The following DPY19L3 variants were observed in gnomAD, a reference collection of about 807,000 sequenced individuals.
The protein encoded by DPY19L3 is dpy-19 like C-mannosyltransferase 3.
DPY19L3 carries 51 observed loss-of-function variants against 92.3 expected under a neutral mutation model. The ratio of observed to expected loss-of-function variants is 0.55; its 90% confidence interval spans 0.44 to 0.70. The LOEUF (loss-of-function observed/expected upper bound fraction) is 0.70. Ranked by LOEUF, DPY19L3 falls within the 30% of genes least tolerant of loss-of-function variation. The pLI is 0.00. For missense variants in DPY19L3, 706 were observed against 855.9 expected (o/e 0.82, Z 2.18); for synonymous variants, 309 against 315.2 (o/e 0.98, Z 0.21).
chr19:32,456,330 C>G (rs1214915138), intron 10 of DPY19L3, among the ~76,000 whole-genome samples: 1 of 151,996 alleles, frequency 6.6e-6, no homozygotes, highest in African/African-American at 2.4e-5. Context: ...CTGCCTTGGC[C>G]TCCCAAAGGA....
intron 4 of DPY19L3, 95 bp downstream of exon 4, chr19:32,432,901 C>A: frequency 1.1e-6 from 1 of 942,690 alleles, no homozygotes; most frequent in Non-Finnish European, 1.6e-6. Context: ...TAAATGCTCT[C>A]TAGAACATGT....
chr19:32,406,535 A>G (rs1358465609), intron 1 of DPY19L3, among the ~76,000 whole-genome samples: 1 of 151,626 alleles, frequency 6.6e-6, no homozygotes, highest in Non-Finnish European at 1.5e-5. Flanking sequence ...ATTTTATTGT[A>G]TAGATAGGGT....
In DPY19L3 at chr19:32,482,028, T is replaced by C. The variant is rs748918114; in HGVS notation, c.1990-51T>C. The C allele has an allele frequency of 3.1e-6, 5 of 1,592,494 alleles. 1 individual carries two copies. In the South Asian group the frequency reaches 3.4e-5, roughly 11 times the overall value. On this transcript the variant is annotated intron_variant, in intron 18 of 18. Transcript: ENST00000392250. Reference sequence around the variant, plus strand: ...ACCCATTCCTGCTCCTACTGTCTTTTGTAAATAGAATTTTCCCCCCAAATT... The same window carrying C: ...ACCCATTCCTGCTCCTACTGTCTTTCGTAAATAGAATTTTCCCCCCAAATT...
intron 16 of DPY19L3, among the ~76,000 whole-genome samples, chr19:32,469,311 A>G (rs965188368): frequency 2.6e-5 from 4 of 152,132 alleles, no homozygotes; most frequent in South Asian, 2.1e-4. Context: ...AGCCTGGCCA[A>G]CATGATGAAA....
chr19:32,436,224 A>C (rs113785810), intron 4 of DPY19L3, among the ~76,000 whole-genome samples: 2 of 152,290 alleles, frequency 1.3e-5, no homozygotes, highest in African/African-American at 4.8e-5. Context: ...CATTCCAGTT[A>C]CAAAAGTTTT....
intron 3 of DPY19L3, 91 bp from the exon 4 acceptor site, chr19:32,432,625 C>T: frequency 9.4e-7 from 1 of 1,064,314 alleles, no homozygotes; most frequent in South Asian, 1.5e-5. Context: ...TTTTCTCTTT[C>T]AAGTTGCAGT....
At chr19:32,423,422 G>GTTTTTTTTTTT (rs1599601418) in intron 3 of DPY19L3, among the ~76,000 whole-genome samples, 11 of 48,428 alleles carry the variant, frequency 2.3e-4, no homozygotes, top group South Asian at 6.7e-4. Context: ...TTTTTTTTTG[G>GTTTTTTTTTTT]TATTTTTAGT....
intron 15 of DPY19L3, among the ~76,000 whole-genome samples, chr19:32,465,885 C>A (rs937976223): frequency 6.6e-6 from 1 of 152,158 alleles, no homozygotes; most frequent in Non-Finnish European, 1.5e-5. Flanking sequence ...ATGCGAATAA[C>A]TGAAACTTAC....
rs1411544194 is a variant in DPY19L3 at position 32,408,442 on chromosome 19, G to C, written c.103+86G>C. ...CACTCTCCAATAGGATAAAAATTTG[G>C]TGGGACCTAACAATTGAAACTTGTT... On this transcript the variant is annotated intron_variant, in intron 2 of 18. Transcript: ENST00000392250. 4 of 940,276 alleles carry C rather than the reference G, an allele frequency of 4.3e-6. No homozygotes were observed. In the African/African-American group the frequency reaches 5.0e-5, roughly 12 times the overall value. 58.2% of individuals were successfully genotyped at this position (940,276 alleles called of 1,614,324 possible). A position where few individuals can be genotyped will look rare whatever the true frequency, so the allele number is the denominator to read the frequency against.
intron 12 of DPY19L3, among the ~76,000 whole-genome samples, chr19:32,459,227 C>T (rs1333096405): frequency 6.6e-6 from 1 of 152,160 alleles, no homozygotes; most frequent in Non-Finnish European, 1.5e-5. Context: ...GTAAGAATAT[C>T]TACCCATCAA....
chr19:32,413,642 CAAA>C (rs1968274625), intron 3 of DPY19L3, among the ~76,000 whole-genome samples: 2 of 147,598 alleles, frequency 1.4e-5, no homozygotes, highest in African/African-American at 5.0e-5. Flanking sequence ...ATGTTCCCCT[CAAA>C]GAAGAATAAT....
intron 2 of DPY19L3, 50 bp downstream of exon 2, chr19:32,408,406 T>G (rs750189635): frequency 7.3e-7 from 1 of 1,369,256 alleles, no homozygotes; most frequent in Non-Finnish European, 1.0e-6. Flanking sequence ...TATTTCTGCA[T>G]ATTAAAATGT....
At chr19:32,435,141 C>A (rs1369988733) in intron 4 of DPY19L3, among the ~76,000 whole-genome samples, 1 of 152,102 alleles carries the variant, frequency 6.6e-6, no homozygotes, top group Non-Finnish European at 1.5e-5. Flanking sequence ...CCTCACATAG[C>A]CTTTCCCTCT....
At chr19:32,434,329 C>A (rs1969067054) in intron 4 of DPY19L3, among the ~76,000 whole-genome samples, 2 of 152,124 alleles carry the variant, frequency 1.3e-5, no homozygotes, top group South Asian at 4.1e-4. Context: ...ATGCCATGTC[C>A]TTTGCATTGT....
At chr19:32,436,663 C>A (rs1969150399) in intron 5 of DPY19L3, 96 bp downstream of exon 5, 2 of 1,135,060 alleles carry the variant, frequency 1.8e-6, no homozygotes. Flanking sequence ...TGATCTTCAA[C>A]TGGTTTAGTA....
intron 17 of DPY19L3, among the ~76,000 whole-genome samples, chr19:32,479,180 A>G (rs1459005010): frequency 6.6e-6 from 1 of 152,184 alleles, no homozygotes; most frequent in Non-Finnish European, 1.5e-5. Context: ...CCTGTCTTGT[A>G]TAAGAATCAT....
rs1282306976 is a variant in DPY19L3, at chr19:32,483,820, G to A, written c.*1580G>A. ...GTTTAGGATAATACAATAATAAAACGTTTTAATCAGTACTAAAACTTTAAT... is the reference window on the plus strand; with the variant it reads ...GTTTAGGATAATACAATAATAAAACATTTTAATCAGTACTAAAACTTTAAT... On this transcript the variant is annotated 3_prime_UTR_variant, in exon 19 of 19. Coordinates refer to ENST00000392250, the MANE Select transcript of DPY19L3 (RefSeq NM_001172774.2). 1 of 152,622 alleles carries A rather than the reference G, an allele frequency of 6.6e-6. No individual in the cohort carries two copies. The highest frequency in any genetic ancestry group is 2.1e-4 in the South Asian group (1 of 4,824). 9.5% of individuals were successfully genotyped at this position (152,622 alleles called of 1,614,324 possible). A position where few individuals can be genotyped will look rare whatever the true frequency, so the allele number is the denominator to read the frequency against.
chr19:32,476,946 G>A (rs1354579289), intron 16 of DPY19L3, among the ~76,000 whole-genome samples: 1 of 151,642 alleles, frequency 6.6e-6, no homozygotes, highest in Non-Finnish European at 1.5e-5. Flanking sequence ...TTTCCTTATT[G>A]CTTTTTTAAG....
At chr19:32,447,039 T>A (rs1969522732) in intron 8 of DPY19L3, among the ~76,000 whole-genome samples, 1 of 152,192 alleles carries the variant, frequency 6.6e-6, no homozygotes, top group Non-Finnish European at 1.5e-5. Flanking sequence ...AAATTTGAAA[T>A]CAATACAGAA....
Sources: gnomAD v4.1 joint callset for allele counts (sites outside exome capture counted in the v4.1 genomes callset) on GRCh38, gnomAD v4.1.1 for gene constraint, MANE v1.5 for transcripts, NCBI Gene and HGNC (gene_info 2026-07-23, HGNC 2026-07-21) for gene names.